SDAD1: variants seen among roughly 807,000 people sequenced by gnomAD.
SDAD1 encodes the protein protein SDA1 homolog.
SDAD1 carries 79 observed loss-of-function variants against 100.3 expected under a neutral mutation model. The ratio of observed to expected loss-of-function variants is 0.79; its 90% CI spans 0.66 to 0.95. The LOEUF (loss-of-function observed/expected upper bound fraction) is 0.95. Among genes scored for constraint, SDAD1 ranks in the 40% least tolerant of loss-of-function variants. SDAD1 has a pLI of 0.00. For synonymous variants in SDAD1, 267 were observed against 271.4 expected (o/e 0.98, Z 0.16); for missense variants, 790 against 810.9 (o/e 0.97, Z 0.31).
At chr4:75,956,896 G>A (rs572232574) in intron 20 of SDAD1, among the ~76,000 whole-genome samples, 1 of 152,304 alleles carries the variant, frequency 6.6e-6, no homozygotes, top group South Asian at 2.1e-4. Context: ...GATCGCATGA[G>A]GCCAGGAGTT....
chr4:75,989,436 TTTC>T (rs1327444457), intron 1 of SDAD1, among the ~76,000 whole-genome samples: 1 of 152,220 alleles, frequency 6.6e-6, no homozygotes, highest in Non-Finnish European at 1.5e-5. Context: ...AGAAGAATGC[TTTC>T]TTATCTGTCT....
chr4:75,956,171 A>G (rs1480550206), intron 20 of SDAD1, 35 bp from the exon 21 acceptor site: 2 of 1,575,822 alleles, frequency 1.3e-6, no homozygotes, highest in East Asian at 4.5e-5. Context: ...TTCTTCTTCA[A>G]CAACATACTT....
chr4:75,956,098 T>C lies in SDAD1; in HGVS notation c.1893A>G (p.Lys631=). The change falls in exon 21 of 22, where the codon AAA becomes AAG. Residue 631 remains lysine, a synonymous_variant. Transcript: ENST00000356260. ...KTDRKEFVRK[K]TKTNPFSSST... is the part of the protein sequence containing the mutation. The stretch of plus-strand genomic sequence containing the variant: ...AACTGGAAAATGGATTTGTTTTGGT[T>C]TTCTTCCTCACAAATTCTTTTCGGT... 1 of 1,609,792 alleles carries C rather than the reference T, an allele frequency of 6.2e-7. No individual in the cohort carries two copies. Among genetic ancestry groups the C allele is most frequent in the Non-Finnish European group, 8.5e-7 (1 of 1,179,114 alleles).
chr4:75,985,344 C>G (rs765793230), intron 1 of SDAD1, among the ~76,000 whole-genome samples: 4 of 152,186 alleles, frequency 2.6e-5, no homozygotes, highest in Non-Finnish European at 4.4e-5. Context: ...GTGGTTTTCT[C>G]CTGACACACT....
Position 75,957,955 on chromosome 4 carries a change from G to C in SDAD1, c.1484-14C>G. 6.2e-7 allele frequency: 1 copy of C among 1,605,808 alleles called. No individual in the cohort carries two copies. Among genetic ancestry groups the C allele is most frequent in the Non-Finnish European group, 8.5e-7 (1 of 1,174,224 alleles). ...TTTCCCATCCATCTGCGTGAAAAAA[G>C]CAAACCCACTACTGCCATTTTATGT... On this transcript the variant is annotated splice_polypyrimidine_tract_variant and intron_variant, in intron 17 of 21. Coordinates refer to ENST00000356260, the MANE Select transcript of SDAD1 (RefSeq NM_018115.4).
chr4:75,978,386 T>TA (rs1311841492), intron 3 of SDAD1, among the ~76,000 whole-genome samples: 4 of 150,344 alleles, frequency 2.7e-5, no homozygotes, highest in Non-Finnish European at 5.9e-5. Context: ...TTTTAAGAGA[T>TA]AGAGTCTCAT....
At chr4:75,974,204 C>A in intron 6 of SDAD1, 71 bp from the exon 7 acceptor site, 1 of 1,203,096 alleles carries the variant, frequency 8.3e-7, no homozygotes, top group Admixed American at 1.7e-5. Flanking sequence ...GACAATGGCA[C>A]AAAATAAATG....
intron 17 of SDAD1, among the ~76,000 whole-genome samples, chr4:75,959,097 C>CAAAAAAAAAAAAAAAAAA (rs61245198): frequency 3.6e-5 from 2 of 54,986 alleles, no homozygotes; most frequent in Non-Finnish European, 3.1e-5. Flanking sequence ...GACTCTGTCT[C>CAAAAAAAAAAAAAAAAAA]AAAAAAAAAA....
At chr4:75,963,011 T>A (rs1334981275) in intron 14 of SDAD1, among the ~76,000 whole-genome samples, 1 of 152,126 alleles carries the variant, frequency 6.6e-6, no homozygotes, top group Non-Finnish European at 1.5e-5. Flanking sequence ...TCTTCTAGGG[T>A]TTTTATGGTT....
chr4:75,957,980 T>G, intron 17 of SDAD1, 39 bp from the exon 18 acceptor site: 1 of 1,513,570 alleles, frequency 6.6e-7, no homozygotes, highest in Non-Finnish European at 9.2e-7. Context: ...CCATTTTATG[T>G]TGCACATTCA....
In SDAD1 at chr4:75,965,754, AG is replaced by A; in HGVS notation, c.1104+9del. ...GCCCTAGGTCCAGAAGTCAGGTTAC[AG>A]GTTCTCACCTCTGGGGGTACTAGGT... On this transcript the variant is annotated intron_variant, in intron 13 of 21. Coordinates refer to ENST00000356260, the MANE Select transcript of SDAD1 (RefSeq NM_018115.4). The A allele has an allele frequency of 6.2e-7, 1 of 1,611,878 alleles. No homozygotes were observed. The highest frequency in any genetic ancestry group is 8.5e-7 in the Non-Finnish European group (1 of 1,178,050).
chr4:75,965,753 C>T lies in SDAD1; in HGVS notation c.1104+11G>A. 3 of 1,611,862 alleles carry T rather than the reference C, an allele frequency of 1.9e-6. No individual in the cohort carries two copies. The highest frequency in any genetic ancestry group is 2.5e-6 in the Non-Finnish European group (3 of 1,178,036). On this transcript the variant is annotated intron_variant, in intron 13 of 21. Transcript: ENST00000356260. ...TGCCCTAGGTCCAGAAGTCAGGTTA[C>T]AGGTTCTCACCTCTGGGGGTACTAG...
At chr4:75,966,312 A>ACACACACACT (rs1383701973) in intron 12 of SDAD1, among the ~76,000 whole-genome samples, 45 of 136,022 alleles carry the variant, frequency 3.3e-4, no homozygotes, top group East Asian at 6.6e-4. Flanking sequence ...ACACACACAC[A>ACACACACACT]CTGTCTCTTT....
At chr4:75,979,902 C>T (rs545599307) in intron 3 of SDAD1, among the ~76,000 whole-genome samples, 213 of 152,072 alleles carry the variant, frequency 1.4e-3, no homozygotes, top group African/African-American at 5.0e-3. Context: ...TATTCACAGG[C>T]ATGCTCATAC....
In SDAD1 at chr4:75,955,935, C is replaced by T. The variant is rs745425490; in HGVS notation, c.2016+40G>A. ...CAAATGTAAAGCTGTCTTGGAATTA[C>T]AGTGCTGTTCTTGCCACCCAAGCTT... is the stretch of plus-strand genomic sequence containing the variant. On this transcript the variant is annotated intron_variant, in intron 21 of 21. Coordinates refer to ENST00000356260, the MANE Select transcript of SDAD1 (RefSeq NM_018115.4). 1.1e-5 allele frequency: 17 copies of T among 1,557,788 alleles called. No individual in the cohort carries two copies. In the South Asian group the frequency reaches 1.7e-4, roughly 16 times the overall value.
intron 13 of SDAD1, among the ~76,000 whole-genome samples, chr4:75,965,407 G>A (rs903747271): frequency 2.6e-5 from 4 of 152,088 alleles, no homozygotes; most frequent in South Asian, 2.1e-4. Flanking sequence ...CTGTGATCTC[G>A]TCCTGCCTCC....
chr4:75,956,907 T>G (rs1005660551), intron 20 of SDAD1, among the ~76,000 whole-genome samples: 2 of 152,172 alleles, frequency 1.3e-5, no homozygotes, highest in Non-Finnish European at 2.9e-5. Flanking sequence ...GCCAGGAGTT[T>G]GAGACCAGCC....
chr4:75,963,427 AAGCCACTGGT>A lies in SDAD1; in HGVS notation c.1181+698_1181+707del, dbSNP rs573936091. ...GTAGTTTTTTCCAATTCTGTGAAGA[AAGCCACTGGT>A]AGCTTGATGGGGATGGCATTGAATC... On this transcript the variant is annotated intron_variant, in intron 14 of 21. Coordinates refer to ENST00000356260, the MANE Select transcript of SDAD1 (RefSeq NM_018115.4). Among the ~76,000 whole-genome samples the A allele has an allele frequency of 2.1e-3, 318 of 152,302 alleles. 1 individual carries two copies. Among genetic ancestry groups the A allele is most frequent in the African/African-American group, 7.4e-3 (308 of 41,548 alleles).
chr4:75,954,301 G>A (rs1485319554), intron 21 of SDAD1, among the ~76,000 whole-genome samples: 1 of 151,612 alleles, frequency 6.6e-6, no homozygotes, highest in African/African-American at 2.4e-5. Flanking sequence ...AGAATGCCGT[G>A]AACCCGGGAG....
Sources: allele counts gnomAD v4.1 joint callset (sites outside exome capture counted in the v4.1 genomes callset), GRCh38; gene constraint gnomAD v4.1.1; transcripts MANE v1.5; gene names NCBI Gene and HGNC (gene_info 2026-07-23, HGNC 2026-07-21).